MEGF10: variants seen among roughly 807,000 people sequenced by gnomAD.
MEGF10 encodes the protein multiple EGF like domains 10, also known as multiple epidermal growth factor-like domains protein 10.
A neutral mutation model predicts 147.5 loss-of-function variants in MEGF10; 86 were observed. The observed-to-expected ratio is 0.58, with a 90% CI of 0.49 to 0.70. The LOEUF (loss-of-function observed/expected upper bound fraction) is 0.70, where lower values mean the gene tolerates loss of function less well. Among genes scored for constraint, MEGF10 ranks in the 30% least tolerant of loss-of-function variants. The probability of loss-of-function intolerance (pLI) is 0.00; values close to 1 mark genes in which losing one functional copy is unlikely to be tolerated. For synonymous variants in MEGF10, 478 were observed against 525.5 expected (o/e 0.91, Z 1.24); for missense variants, 1,329 against 1,487.3 (o/e 0.89, Z 1.75).
chr5:127,349,804 G>A (rs1762026239), intron 4 of MEGF10, among the ~76,000 whole-genome samples: 1 of 151,894 alleles, frequency 6.6e-6, no homozygotes, highest in Admixed American at 6.6e-5. Flanking sequence ...GTTCTAGATG[G>A]CGTACCCAGT....
At chr5:127,398,624 G>T (rs1289990027) in intron 6 of MEGF10, 52 bp from the exon 7 acceptor site, 5 of 1,610,570 alleles carry the variant, frequency 3.1e-6, no homozygotes, top group South Asian at 1.1e-5. Context: ...TGAACCCGAG[G>T]GTCATGTGTC....
At chr5:127,349,993 A>G (rs923131727) in intron 4 of MEGF10, among the ~76,000 whole-genome samples, 1 of 152,180 alleles carries the variant, frequency 6.6e-6, no homozygotes, top group African/African-American at 2.4e-5. Flanking sequence ...TTCTTTTAAT[A>G]TAATTCTTAT....
At chr5:127,352,115 G>A (rs1561588056) in intron 4 of MEGF10, among the ~76,000 whole-genome samples, 1 of 151,904 alleles carries the variant, frequency 6.6e-6, no homozygotes, top group Non-Finnish European at 1.5e-5. Context: ...TATTTCTCTG[G>A]GAAGGGTAAA....
rs116650470 is a variant in MEGF10, at chr5:127,455,647, T to C, written c.3232+40T>C. ...CCATAGAAAGAACCGAGTGCTTAAG[T>C]TTTTAAAAACAATTTTAAAGTCTTT... On this transcript the variant is annotated intron_variant, in intron 24 of 24. Transcript: ENST00000503335. The C allele has an allele frequency of 2.1e-3, 3,346 of 1,561,940 alleles. 54 individuals carry two copies. The African/African-American group carries it at 0.037, about 17-fold the overall frequency.
chr5:127,349,639 C>T (rs1034059715), intron 4 of MEGF10, among the ~76,000 whole-genome samples: 1 of 151,734 alleles, frequency 6.6e-6, no homozygotes, highest in Non-Finnish European at 1.5e-5. Context: ...ACCATAATGT[C>T]CTTGAGGTCC....
the MEGF10 span, among the ~76,000 whole-genome samples, chr5:127,250,001 G>A: frequency 6.6e-6 from 1 of 152,032 alleles, no homozygotes; most frequent in Non-Finnish European, 1.5e-5. Flanking sequence ...TGAGGGAGGA[G>A]CCCTCATGGC....
chr5:127,457,419 T>C lies in MEGF10; in HGVS notation c.*101T>C. On this transcript the variant is annotated 3_prime_UTR_variant, in exon 25 of 25. Transcript: ENST00000503335. ...CCACTTTCATGTGAATGTTAGTCAA[T>C]TCGGTGGGCAATTTTTGGACATGAA... The C allele has an allele frequency of 3.1e-6, 4 of 1,295,558 alleles. 1 individual carries two copies. Among genetic ancestry groups the C allele is most frequent in the South Asian group, 3.1e-5 (2 of 65,398 alleles). The allele number at this position is 1,295,558 out of a possible 1,614,324, so 80.3% of individuals were successfully genotyped here.
chr5:127,243,821 A>C, the MEGF10 span, among the ~76,000 whole-genome samples: 1 of 152,146 alleles, frequency 6.6e-6, no homozygotes, highest in Non-Finnish European at 1.5e-5. Flanking sequence ...CAAATTCTTC[A>C]ACTGTAAAGA....
chr5:127,361,165 A>G (rs1365567707), intron 4 of MEGF10, among the ~76,000 whole-genome samples: 2 of 151,968 alleles, frequency 1.3e-5, no homozygotes, highest in Non-Finnish European at 2.9e-5. Flanking sequence ...CATTGAAACC[A>G]TCTGGAATTG....
chr5:127,344,379 T>A (rs570114731), intron 4 of MEGF10, among the ~76,000 whole-genome samples: 1 of 152,324 alleles, frequency 6.6e-6, no homozygotes, highest in South Asian at 2.1e-4. Context: ...ATCGTACCCA[T>A]GTTAAAGATG....
chr5:127,346,253 T>C (rs1403670733), intron 4 of MEGF10, among the ~76,000 whole-genome samples: 1 of 152,216 alleles, frequency 6.6e-6, no homozygotes, highest in Non-Finnish European at 1.5e-5. Flanking sequence ...AAATGGTAGA[T>C]CTACTTTTAG....
chr5:127,384,715 G>A (rs568429619), intron 5 of MEGF10, among the ~76,000 whole-genome samples: 30 of 152,322 alleles, frequency 2.0e-4, no homozygotes, highest in Admixed American at 3.9e-4. Flanking sequence ...GGTTGTCCAC[G>A]GTGATCGTTG....
chr5:127,454,503 A>T lies in MEGF10; in HGVS notation c.2981-63A>T, dbSNP rs536705613. The T allele has an allele frequency of 1.2e-5, 18 of 1,469,132 alleles. No individual in the cohort carries two copies. In the South Asian group the frequency reaches 2.0e-4, roughly 16 times the overall value. The allele number at this position is 1,469,132 out of a possible 1,614,324, so 91.0% of individuals were successfully genotyped here. The stretch of plus-strand genomic sequence containing the variant: ...AGATCCTCTTCCAGGACCTTGGGAT[A>T]TTGGATGGGGTTTTTCTTCCTTTCA... On this transcript the variant is annotated intron_variant, in intron 22 of 24. Coordinates refer to ENST00000503335, the MANE Select transcript of MEGF10 (RefSeq NM_001256545.2).
chr5:127,412,214 A>G (rs1437678515), intron 9 of MEGF10, among the ~76,000 whole-genome samples: 4 of 152,266 alleles, frequency 2.6e-5, no homozygotes, highest in Non-Finnish European at 5.9e-5. Context: ...AATAATCCGA[A>G]TATTTTAAAA....
At chr5:127,402,068 G>A (rs1427688565) in intron 7 of MEGF10, among the ~76,000 whole-genome samples, 1 of 152,198 alleles carries the variant, frequency 6.6e-6, no homozygotes, top group Non-Finnish European at 1.5e-5. Flanking sequence ...AAGAAATAAA[G>A]CCAATGATAA....
intron 1 of MEGF10, among the ~76,000 whole-genome samples, chr5:127,320,333 A>G (rs1292519247): frequency 6.6e-6 from 1 of 152,196 alleles, no homozygotes; most frequent in Non-Finnish European, 1.5e-5. Flanking sequence ...CAGGGAAATT[A>G]GAAGAGATAA....
Position 127,460,630 on chromosome 5 carries a change from A to G in MEGF10, c.*3312A>G, listed in dbSNP as rs1321685006. On this transcript the variant is annotated 3_prime_UTR_variant, in exon 25 of 25. Coordinates refer to ENST00000503335, the MANE Select transcript of MEGF10 (RefSeq NM_001256545.2). The stretch of plus-strand genomic sequence containing the variant: ...AGCTGTCAATTATTGAGATTTTTAA[A>G]TGGTAAATATTGCAAAAGTTAAACA... 2 of 152,194 alleles carry G rather than the reference A, an allele frequency of 1.3e-5. No individual in the cohort carries two copies. Among genetic ancestry groups the G allele is most frequent in the African/African-American group, 2.4e-5 (1 of 41,452 alleles). The allele number at this position is 152,194 out of a possible 1,614,324, so 9.4% of individuals were successfully genotyped here.
chr5:127,425,285 A>G (rs954220876), intron 13 of MEGF10, among the ~76,000 whole-genome samples: 1 of 152,234 alleles, frequency 6.6e-6, no homozygotes, highest in Non-Finnish European at 1.5e-5. Flanking sequence ...TTGTCACACA[A>G]TGTAATCTTG....
intron 1 of MEGF10, among the ~76,000 whole-genome samples, chr5:127,317,574 A>G (rs1353586749): frequency 5.3e-5 from 8 of 152,210 alleles, no homozygotes; most frequent in Non-Finnish European, 1.2e-4. Flanking sequence ...GCAGCCATAA[A>G]AAAGGATGAG....
Sources: gnomAD v4.1 joint callset for allele counts (sites outside exome capture counted in the v4.1 genomes callset) on GRCh38, gnomAD v4.1.1 for gene constraint, MANE v1.5 for transcripts, NCBI Gene and HGNC (gene_info 2026-07-23, HGNC 2026-07-21) for gene names.